Variants in IGSF11 observed in about 807,000 individuals in gnomAD.
IGSF11 encodes CXADR like 1.
In IGSF11, 22 loss-of-function variants were observed where a neutral mutation model predicts 41.0. That is an observed-to-expected ratio of 0.54 (90% CI 0.38 to 0.77). IGSF11 has a LOEUF of 0.77. Among genes scored for constraint, IGSF11 ranks in the 30% least tolerant of loss-of-function variants. The pLI is 0.00. For synonymous variants in IGSF11, 219 were observed against 201.3 expected (o/e 1.09, Z -0.74); for missense variants, 444 against 530.8 (o/e 0.84, Z 1.61).
At chr3:119,127,304 T>G (rs1405044876) in intron 1 of IGSF11, among the ~76,000 whole-genome samples, 4 of 148,654 alleles carry the variant, frequency 2.7e-5, no homozygotes, top group Non-Finnish European at 5.9e-5. Context: ...CTTACTGAAA[T>G]AAGACATGCA....
chr3:119,122,088 T>C (rs556869548), intron 1 of IGSF11, among the ~76,000 whole-genome samples: 1 of 152,316 alleles, frequency 6.6e-6, no homozygotes, highest in East Asian at 1.9e-4. Context: ...TCATAAAAAC[T>C]AAAAATCAAG....
intron 1 of IGSF11, among the ~76,000 whole-genome samples, chr3:119,138,701 A>G (rs2077597277): frequency 6.6e-6 from 1 of 152,112 alleles, no homozygotes; most frequent in South Asian, 2.1e-4. Flanking sequence ...AAAAAATGGG[A>G]TCCTGTCATT....
At chr3:119,125,483 A>C (rs1013625368) in intron 1 of IGSF11, among the ~76,000 whole-genome samples, 21 of 152,106 alleles carry the variant, frequency 1.4e-4, no homozygotes, top group Admixed American at 1.2e-3. Context: ...TATATTCACA[A>C]GGGCGGGGAG....
chr3:119,119,033 T>C (rs565658433), intron 1 of IGSF11, among the ~76,000 whole-genome samples: 12 of 152,222 alleles, frequency 7.9e-5, no homozygotes, highest in Non-Finnish European at 1.5e-4. Context: ...AACAAGTCTC[T>C]AAAAGATTCC....
At position 119,098,101 on chromosome 3, in the gene IGSF11, A is replaced by G. The variant is rs191284776; in HGVS notation, c.49+7043T>C. Among the ~76,000 whole-genome samples, 646 of 151,426 alleles carry G rather than the reference A, an allele frequency of 4.3e-3. 4 individuals are homozygous for G. The highest frequency in any genetic ancestry group is 8.2e-3 in the Non-Finnish European group (556 of 67,882). On this transcript the variant is annotated intron_variant, in intron 1 of 6. Coordinates refer to the IGSF11 transcript ENST00000354673. ...AGGTGTGAGCCACCGCACCGAGCCA[A>G]TTTGGTTTTCTTTTGGAGAACAAAG...
intron 1 of IGSF11, among the ~76,000 whole-genome samples, chr3:119,076,557 A>G (rs1481018500): frequency 6.6e-6 from 1 of 152,180 alleles, no homozygotes; most frequent in Non-Finnish European, 1.5e-5. Context: ...ACTCAAACAA[A>G]TTTACAAGAA....
At chr3:119,112,673 C>G (rs1392669142) in intron 1 of IGSF11, 1 of 154,342 alleles carries the variant, frequency 6.5e-6, no homozygotes, top group African/African-American at 2.4e-5. Context: ...GCAGAAATCA[C>G]CTGTCTTCTG....
intron 1 of IGSF11, among the ~76,000 whole-genome samples, chr3:118,981,180 T>C (rs1257861659): frequency 6.6e-6 from 1 of 152,174 alleles, no homozygotes; most frequent in East Asian, 1.9e-4. Context: ...TTTATTTTAT[T>C]TTTATTTTGA....
At position 118,902,847 on chromosome 3, in the gene IGSF11, G is replaced by C. The variant is rs1374840818; in HGVS notation, c.969C>G (p.Ser323Arg). 1 of 1,614,132 alleles carries C rather than the reference G, an allele frequency of 6.2e-7. No homozygotes were observed. Among genetic ancestry groups the C allele is most frequent in the Admixed American group, 1.7e-5 (1 of 60,014 alleles). The change falls in exon 7 of 7, where the codon AGC becomes AGG. Residue 323 changes from serine (S) to arginine (R), a missense_variant. Ser to Arg is a moderately radical substitution (Grantham distance 110, BLOSUM62 -1). Around this residue, in one of 3 missense-constraint regions of IGSF11, gnomAD observed 223 missense variants for 226.2 expected, o/e 0.99. Transcript: ENST00000393775. ...SSNAYNSRYW[S>R]NNPKVHRNTE... is the part of the protein sequence containing the mutation. ...TGTTTCTATGAACTTTTGGATTGTT[G>C]CTCCAGTATCGACTGTTGTAGGCAT...
intron 1 of IGSF11, among the ~76,000 whole-genome samples, chr3:119,003,612 C>T (rs554201305): frequency 0.01 from 1,583 of 151,420 alleles, 34 homozygotes; most frequent in East Asian, 0.06. Flanking sequence ...TTATAGATAG[C>T]TCTTATTATT....
intron 1 of IGSF11, among the ~76,000 whole-genome samples, chr3:118,964,031 A>G (rs1250454356): frequency 1.3e-5 from 2 of 152,124 alleles, no homozygotes; most frequent in Non-Finnish European, 1.5e-5. Flanking sequence ...AGACCATTTA[A>G]TTCAACCTTC....
chr3:119,046,637 C>T (rs2107753941), intron 1 of IGSF11, among the ~76,000 whole-genome samples: 1 of 152,010 alleles, frequency 6.6e-6, no homozygotes, highest in African/African-American at 2.4e-5. Flanking sequence ...TCAGGAAATA[C>T]AGAGAACACC....
chr3:118,927,186 T>C (rs1942403897), intron 3 of IGSF11, among the ~76,000 whole-genome samples: 1 of 152,118 alleles, frequency 6.6e-6, no homozygotes, highest in South Asian at 2.1e-4. Flanking sequence ...TGGGGCAAAC[T>C]AATCTTTGTT....
At chr3:118,946,674 A>T (rs945735276) in intron 1 of IGSF11, among the ~76,000 whole-genome samples, 4 of 152,192 alleles carry the variant, frequency 2.6e-5, no homozygotes, top group African/African-American at 9.7e-5. Flanking sequence ...TGAGTTTAAA[A>T]CCAGAAAATC....
intron 1 of IGSF11, among the ~76,000 whole-genome samples, chr3:118,990,188 T>A (rs1365367045): frequency 6.6e-6 from 1 of 152,152 alleles, no homozygotes; most frequent in Admixed American, 6.5e-5. Context: ...AAGAAGGATA[T>A]ATTTATGTTT....
At chr3:119,002,304 C>T (rs1326478282) in intron 1 of IGSF11, among the ~76,000 whole-genome samples, 1 of 149,106 alleles carries the variant, frequency 6.7e-6, no homozygotes, top group Non-Finnish European at 1.5e-5. Context: ...CCTTCACCCA[C>T]TTTTTGATGG....
At chr3:119,020,660 T>C (rs539340810) in intron 1 of IGSF11, among the ~76,000 whole-genome samples, 132 of 152,336 alleles carry the variant, frequency 8.7e-4, no homozygotes, top group African/African-American at 3.0e-3. Flanking sequence ...AGTTGTTCCT[T>C]TTCTCCTTAC....
chr3:119,050,464 T>A (rs553310271), intron 1 of IGSF11, among the ~76,000 whole-genome samples: 13 of 152,162 alleles, frequency 8.5e-5, no homozygotes, highest in African/African-American at 2.9e-4. Flanking sequence ...TCACACCAGT[T>A]AGAATGGCGA....
intron 1 of IGSF11, among the ~76,000 whole-genome samples, chr3:118,964,456 G>A (rs1945540067): frequency 6.6e-6 from 1 of 152,086 alleles, no homozygotes; most frequent in Non-Finnish European, 1.5e-5. Flanking sequence ...GCTAAGAAGA[G>A]GGTCTGAAAA....
Sources: gnomAD v4.1 joint callset for allele counts (sites outside exome capture counted in the v4.1 genomes callset) on GRCh38, gnomAD v4.1.1 for gene constraint, gnomAD v4.1.1 regional missense constraint, MANE v1.5 for transcripts, NCBI Gene and HGNC (gene_info 2026-07-23, HGNC 2026-07-21) for gene names.